Variants in CADM2 observed in about 807,000 individuals in gnomAD.
CADM2 encodes immunoglobulin superfamily member 4D.
In CADM2, 12 loss-of-function variants were observed where a neutral mutation model predicts 49.8. The observed-to-expected ratio is 0.24, with a 90% confidence interval of 0.15 to 0.39. The LOEUF (loss-of-function observed/expected upper bound fraction) is 0.39. Ranked by LOEUF, CADM2 falls within the 10% of genes least tolerant of loss-of-function variation. The probability of loss-of-function intolerance (pLI) is 1.00; values close to 1 mark genes in which losing one functional copy is unlikely to be tolerated. For synonymous variants in CADM2, 214 were observed against 175.4 expected, an observed-to-expected ratio of 1.22 and a Z score of -1.74; for missense variants, 378 against 492.3, an observed-to-expected ratio of 0.77 and a Z score of 2.20.
chr3:85,432,844 T>C lies in CADM2; in HGVS notation c.62-293678T>C, dbSNP rs143793021. Reference sequence around the variant, plus strand: ...AAACTAAGTTTTGAAACCTCTAATATCATCCTAGTATTTTAATCTTTATGT... The same window carrying C: ...AAACTAAGTTTTGAAACCTCTAATACCATCCTAGTATTTTAATCTTTATGT... On this transcript the variant is annotated intron_variant, in intron 1 of 9. Coordinates refer to ENST00000383699, the MANE Select transcript of CADM2 (RefSeq NM_001167675.2). 5.3e-3 allele frequency among the ~76,000 whole-genome samples: 806 copies of C among 152,224 alleles called. 2 individuals carry two copies. The highest frequency in any genetic ancestry group is 8.5e-3 in the Non-Finnish European group (576 of 67,996).
In CADM2 at chr3:85,907,504, T is replaced by A. The variant is rs528691210; in HGVS notation, c.530-4869T>A. 1.7e-4 allele frequency among the ~76,000 whole-genome samples: 26 copies of A among 152,258 alleles called. No individual in the cohort carries two copies. The South Asian group carries it at 5.4e-3, about 32-fold the overall frequency. The stretch of plus-strand genomic sequence containing the variant: ...GTTTCAGTTTCTAAATCCTGCCTTG[T>A]TCCCAGTGTGGTCTATTGAACTTGG... On this transcript the variant is annotated intron_variant, in intron 5 of 9. Coordinates refer to ENST00000383699, the MANE Select transcript of CADM2 (RefSeq NM_001167675.2).
chr3:86,009,939 G>A (rs1212900238), intron 8 of CADM2, among the ~76,000 whole-genome samples: 1 of 151,796 alleles, frequency 6.6e-6, no homozygotes, highest in African/African-American at 2.4e-5. Flanking sequence ...TTTTCGATAT[G>A]TTGTGTTTAG....
At chr3:85,054,240 G>A (rs2035990783) in intron 1 of CADM2, among the ~76,000 whole-genome samples, 1 of 151,768 alleles carries the variant, frequency 6.6e-6, no homozygotes, top group Non-Finnish European at 1.5e-5. Flanking sequence ...GAGAGGAGAT[G>A]GTATTTAAAA....
At chr3:85,031,760 T>C (rs2107327036) in intron 1 of CADM2, among the ~76,000 whole-genome samples, 1 of 151,944 alleles carries the variant, frequency 6.6e-6, no homozygotes, top group African/African-American at 2.4e-5. Context: ...GACCTCGTGA[T>C]CCGCCCGCCT....
At chr3:85,172,290 A>G (rs745903776) in intron 1 of CADM2, among the ~76,000 whole-genome samples, 6 of 152,182 alleles carry the variant, frequency 3.9e-5, no homozygotes, top group African/African-American at 9.6e-5. Context: ...TGTTTGTTCA[A>G]TTGTAAAAAA....
At chr3:85,914,662 A>C (rs1718046070) in intron 6 of CADM2, among the ~76,000 whole-genome samples, 1 of 152,204 alleles carries the variant, frequency 6.6e-6, no homozygotes, top group Non-Finnish European at 1.5e-5. Flanking sequence ...GTCACAGATC[A>C]CCCAAAATCT....
intron 1 of CADM2, among the ~76,000 whole-genome samples, chr3:84,962,236 C>G (rs2030600584): frequency 6.7e-6 from 1 of 149,924 alleles, no homozygotes; most frequent in Admixed American, 6.7e-5. Context: ...CATCTTAGAT[C>G]AGGCCATATG....
At chr3:85,552,558 G>T (rs982174705) in intron 1 of CADM2, among the ~76,000 whole-genome samples, 1 of 151,222 alleles carries the variant, frequency 6.6e-6, no homozygotes, top group Admixed American at 6.6e-5. Flanking sequence ...TTTTTTGTAT[G>T]TTTAGTAGAG....
chr3:85,402,829 G>A (rs1290062571), intron 1 of CADM2, among the ~76,000 whole-genome samples: 4 of 152,086 alleles, frequency 2.6e-5, no homozygotes, highest in Non-Finnish European at 5.9e-5. Context: ...AATCCCTCAG[G>A]ACAAGAACTT....
At chr3:85,080,507 T>C (rs913014543) in intron 1 of CADM2, among the ~76,000 whole-genome samples, 2 of 152,002 alleles carry the variant, frequency 1.3e-5, no homozygotes, top group African/African-American at 4.8e-5. Flanking sequence ...TCAGAGACAT[T>C]AGCAACATTA....
chr3:85,449,869 A>G (rs1010718529), intron 1 of CADM2, among the ~76,000 whole-genome samples: 2 of 152,126 alleles, frequency 1.3e-5, no homozygotes, highest in African/African-American at 2.4e-5. Context: ...CGTTGACAAT[A>G]CACCTTTTTT....
intron 8 of CADM2, among the ~76,000 whole-genome samples, chr3:86,035,160 C>G (rs903398032): frequency 1.3e-5 from 2 of 152,040 alleles, no homozygotes; most frequent in African/African-American, 4.8e-5. Flanking sequence ...TTTTCTGTCA[C>G]GTCAGAACCA....
At chr3:86,012,339 G>C (rs1306878011) in intron 8 of CADM2, among the ~76,000 whole-genome samples, 1 of 152,156 alleles carries the variant, frequency 6.6e-6, no homozygotes, top group Non-Finnish European at 1.5e-5. Context: ...AATATGCTTT[G>C]TTTCAATTCT....
chr3:85,642,191 C>G (rs2064740855), intron 1 of CADM2, among the ~76,000 whole-genome samples: 1 of 152,170 alleles, frequency 6.6e-6, no homozygotes, highest in African/African-American at 2.4e-5. Flanking sequence ...TTGTTTAATA[C>G]TGCTACCCAG....
chr3:85,398,163 C>A lies in CADM2; in HGVS notation c.62-328359C>A, dbSNP rs558546244. Among the ~76,000 whole-genome samples the A allele has an allele frequency of 2.8e-4, 42 of 152,188 alleles. No homozygotes were observed. The East Asian group carries it at 7.8e-3, about 28-fold the overall frequency. ...TAATGCTTTCCCTCCCCCCTTCCCCCACCCCATGACAGGCTCCAGTGTGTG... is the reference window on the plus strand; with the variant it reads ...TAATGCTTTCCCTCCCCCCTTCCCCAACCCCATGACAGGCTCCAGTGTGTG... On this transcript the variant is annotated intron_variant, in intron 1 of 9. Coordinates refer to ENST00000383699, the MANE Select transcript of CADM2 (RefSeq NM_001167675.2).
intron 2 of CADM2, among the ~76,000 whole-genome samples, chr3:85,741,379 A>T (rs1402560533): frequency 6.6e-6 from 1 of 152,092 alleles, no homozygotes. Context: ...CCAAATAAAA[A>T]GTTGTCTCAG....
intron 1 of CADM2, among the ~76,000 whole-genome samples, chr3:85,516,016 A>G (rs2060894067): frequency 6.6e-6 from 1 of 152,162 alleles, no homozygotes. Flanking sequence ...TACAACTGTA[A>G]TAACAAGTGA....
chr3:85,266,529 A>G (rs1384484491), intron 1 of CADM2, among the ~76,000 whole-genome samples: 1 of 135,996 alleles, frequency 7.4e-6, no homozygotes, highest in African/African-American at 2.7e-5. Context: ...TACCAGATTA[A>G]TTTATTCTCA....
chr3:85,813,077 G>T (rs2072984600), intron 3 of CADM2, among the ~76,000 whole-genome samples: 1 of 152,180 alleles, frequency 6.6e-6, no homozygotes, highest in South Asian at 2.1e-4. Context: ...TAATGGGATT[G>T]CTAGGTCCAA....
Sources: gnomAD v4.1 joint callset for allele counts (sites outside exome capture counted in the v4.1 genomes callset) on GRCh38, gnomAD v4.1.1 for gene constraint, MANE v1.5 for transcripts, NCBI Gene and HGNC (gene_info 2026-07-23, HGNC 2026-07-21) for gene names.